PCDHA2: variants seen among roughly 807,000 people sequenced by gnomAD.
PCDHA2 encodes the protein protocadherin alpha 2, also known as protocadherin alpha-2.
A neutral mutation model predicts 66.0 loss-of-function variants in PCDHA2; 58 were observed. The observed-to-expected ratio is 0.88, with a 90% confidence interval of 0.71 to 1.09. The LOEUF is 1.09. Ranked by LOEUF, PCDHA2 falls within the 50% of genes least tolerant of loss-of-function variation. The pLI, the probability that PCDHA2 is intolerant of heterozygous loss-of-function variation, is 0.00. For synonymous variants in PCDHA2, 634 were observed against 554.0 expected (o/e 1.14, Z -2.03); for missense variants, 1,267 against 1,242.3 (o/e 1.02, Z -0.30).
chr5:140,865,412 A>C (rs1347341740), intron 1 of PCDHA2: 2 of 152,242 alleles, frequency 1.3e-5, no homozygotes, highest in Non-Finnish European at 2.9e-5. Context: ...AAAAGGAATT[A>C]GTAGTGTCTA....
chr5:140,819,020 T>A (rs1766474811), intron 1 of PCDHA2, among the ~76,000 whole-genome samples: 1 of 152,246 alleles, frequency 6.6e-6, no homozygotes, highest in Non-Finnish European at 1.5e-5. Context: ...AATATGGATA[T>A]TTTAGCACAT....
At chr5:140,876,532 T>C in intron 1 of PCDHA2, 4 of 1,614,158 alleles carry the variant, frequency 2.5e-6, no homozygotes, top group Middle Eastern at 1.6e-4. Context: ...AATGGTTACT[T>C]CACTGTCGCT....
chr5:140,859,119 T>C (rs1275680120), intron 1 of PCDHA2: 2 of 150,176 alleles, frequency 1.3e-5, no homozygotes, highest in African/African-American at 4.9e-5. Context: ...AAAATGTATG[T>C]TTCTTTTATT....
chr5:140,870,344 G>C, intron 1 of PCDHA2: 1 of 1,614,196 alleles, frequency 6.2e-7, no homozygotes, highest in Non-Finnish European at 8.5e-7. Flanking sequence ...GCCCTGGACC[G>C]CGAGAACGTG....
chr5:140,922,950 T>G (rs928008081), intron 1 of PCDHA2, among the ~76,000 whole-genome samples: 6 of 152,208 alleles, frequency 3.9e-5, no homozygotes, highest in Non-Finnish European at 5.9e-5. Flanking sequence ...GGAAATCCAG[T>G]TTGTCTTCAG....
rs1581464132 is a variant in PCDHA2, at chr5:140,857,670, T to A, written c.2388+60318T>A. 10 of 1,596,646 alleles carry A rather than the reference T, an allele frequency of 6.3e-6. No homozygotes were observed. In the East Asian group the frequency reaches 2.2e-4, roughly 36 times the overall value. ...CAGGTGAGCGCGCGCGATGGGGGCG[T>A]GCCGCCTCTGGGCAGCAACTTGACG... On this transcript the variant is annotated intron_variant, in intron 1 of 3. Transcript: ENST00000526136.
intron 1 of PCDHA2, chr5:140,848,245 A>G: frequency 2.2e-6 from 1 of 452,154 alleles, no homozygotes; most frequent in Non-Finnish European, 3.9e-6. Context: ...AGTTTTGCAG[A>G]ATAACTGTGA....
intron 1 of PCDHA2, among the ~76,000 whole-genome samples, chr5:140,845,933 C>T (rs1174545487): frequency 6.7e-6 from 1 of 149,546 alleles, no homozygotes; most frequent in African/African-American, 2.5e-5. Flanking sequence ...GTAAAACTAT[C>T]TTCTGTAAAG....
chr5:140,867,480 G>T (rs1447452971), intron 1 of PCDHA2: 1 of 152,028 alleles, frequency 6.6e-6, no homozygotes, highest in African/African-American at 2.4e-5. Context: ...TGGGAAAAGA[G>T]TAAATATGAA....
intron 1 of PCDHA2, among the ~76,000 whole-genome samples, chr5:140,886,246 A>G (rs1337527671): frequency 1.3e-5 from 2 of 152,144 alleles, no homozygotes; most frequent in Admixed American, 1.3e-4. Flanking sequence ...AAATAAATAA[A>G]AGTATCTCTA....
chr5:140,858,296 C>T, intron 1 of PCDHA2: 1 of 1,597,390 alleles, frequency 6.3e-7, no homozygotes, highest in East Asian at 2.2e-5. Flanking sequence ...GTCTTACTCG[C>T]AGCAGAGGCG....
rs1554262551 is a variant in PCDHA2, at chr5:141,009,910, C to T, written c.2820C>T (p.Asn940=). 1 of 1,612,616 alleles carries T rather than the reference C, an allele frequency of 6.2e-7. No individual in the cohort carries two copies. Among genetic ancestry groups the T allele is most frequent in the Middle Eastern group, 1.7e-4 (1 of 6,048 alleles). Residue 940 remains asparagine (N), a synonymous_variant, in exon 4 of 4, where the codon AAC becomes AAT. Transcript: ENST00000526136. ...NKTQEKKEKG[N]STTDNSDQ Reference sequence around the variant, plus strand: ...CCCAGGAGAAAAAAGAGAAAGGGAACAGCACGACTGACAACAGTGACCAGT... The same window carrying T: ...CCCAGGAGAAAAAAGAGAAAGGGAATAGCACGACTGACAACAGTGACCAGT...
At chr5:140,807,957 A>G (rs1554124363) in intron 1 of PCDHA2, 1 of 1,612,504 alleles carries the variant, frequency 6.2e-7, no homozygotes, top group South Asian at 1.1e-5. Flanking sequence ...AATGTTCCTA[A>G]TGGAACATTG....
intron 1 of PCDHA2, chr5:140,863,011 C>A (rs782711409): frequency 1.8e-6 from 1 of 552,250 alleles, no homozygotes. Flanking sequence ...CCAGCTATGA[C>A]GCCTGGTTGT....
At chr5:140,877,375 C>G (rs782650940) in intron 1 of PCDHA2, 1 of 1,614,006 alleles carries the variant, frequency 6.2e-7, no homozygotes, top group Admixed American at 1.7e-5. Flanking sequence ...CAGCACGACA[C>G]GCATCCTGGA....
Position 140,803,857 on chromosome 5 carries a change from G to A in PCDHA2, c.2388+6505G>A, listed in dbSNP as rs1763293072. On this transcript the variant is annotated intron_variant, in intron 1 of 3. Coordinates refer to ENST00000526136, the MANE Select transcript of PCDHA2 (RefSeq NM_018905.3). ...GAATTATTTTATTGCTAAATGCCTG[G>A]GTATAAGACAAATATTTTTTCTTAG... 4.2e-5 allele frequency: 24 copies of A among 572,350 alleles called. No individual in the cohort carries two copies. In the South Asian group the frequency reaches 5.7e-4, roughly 14 times the overall value. The allele number at this position is 572,350 out of a possible 1,614,324, so 35.5% of individuals were successfully genotyped here.
intron 1 of PCDHA2, chr5:140,875,899 T>C: frequency 1.2e-6 from 2 of 1,614,192 alleles, no homozygotes; most frequent in South Asian, 1.1e-5. Context: ...GGTACCTGTT[T>C]CTGAATCTGC....
At chr5:140,858,561 C>T in intron 1 of PCDHA2, 1 of 1,370,342 alleles carries the variant, frequency 7.3e-7, no homozygotes, top group Non-Finnish European at 1.0e-6. Flanking sequence ...TTGAATATTT[C>T]TAGTGATACC....
At chr5:140,962,759 G>A (rs1554226222) in intron 1 of PCDHA2, among the ~76,000 whole-genome samples, 1 of 152,114 alleles carries the variant, frequency 6.6e-6, no homozygotes, top group Admixed American at 6.5e-5. Flanking sequence ...AATCCTATTC[G>A]TTTTTAACAA....
Sources: allele counts gnomAD v4.1 joint callset (sites outside exome capture counted in the v4.1 genomes callset), GRCh38; gene constraint gnomAD v4.1.1; transcripts MANE v1.5; gene names NCBI Gene and HGNC (gene_info 2026-07-23, HGNC 2026-07-21).